Variants in DGKB observed in about 807,000 individuals in gnomAD.
DGKB encodes the protein 90 kDa diacylglycerol kinase.
DGKB carries 67 observed loss-of-function variants against 114.3 expected under a neutral mutation model. The ratio of observed to expected loss-of-function variants is 0.59; its 90% confidence interval spans 0.48 to 0.72. DGKB has a LOEUF of 0.72. Ranked by LOEUF, DGKB falls within the 30% of genes least tolerant of loss-of-function variation. The pLI, the probability that DGKB is intolerant of heterozygous loss-of-function variation, is 0.00. For missense variants in DGKB, 907 were observed against 975.2 expected, an observed-to-expected ratio of 0.93 and a Z score of 0.93; for synonymous variants, 398 against 323.1, an observed-to-expected ratio of 1.23 and a Z score of -2.49.
intron 1 of DGKB, among the ~76,000 whole-genome samples, chr7:14,854,131 T>C (rs1450420131): frequency 1.3e-5 from 2 of 152,140 alleles, no homozygotes; most frequent in Non-Finnish European, 2.9e-5. Context: ...ATATTACCCA[T>C]AGGATTATAT....
At chr7:14,570,319 T>C (rs1294328708) in intron 20 of DGKB, among the ~76,000 whole-genome samples, 1 of 152,038 alleles carries the variant, frequency 6.6e-6, no homozygotes, top group African/African-American at 2.4e-5. Flanking sequence ...ATTTCTATTA[T>C]AGCTTTCCTT....
chr7:14,750,800 T>C (rs1419824010), intron 4 of DGKB, among the ~76,000 whole-genome samples: 1 of 129,900 alleles, frequency 7.7e-6, no homozygotes, highest in Non-Finnish European at 1.6e-5. Flanking sequence ...TTTCTTTTTT[T>C]TTTTTTTTTT....
intron 20 of DGKB, among the ~76,000 whole-genome samples, chr7:14,554,241 AT>A (rs1795549876): frequency 6.6e-6 from 1 of 152,124 alleles, no homozygotes; most frequent in South Asian, 2.1e-4. Flanking sequence ...GTTCCCTAAC[AT>A]TTCTTGAGCA....
chr7:14,793,383 G>T (rs564886064), intron 2 of DGKB, among the ~76,000 whole-genome samples: 1 of 151,846 alleles, frequency 6.6e-6, no homozygotes, highest in Non-Finnish European at 1.5e-5. Context: ...TTTCCCCTAC[G>T]CATCTCAGTT....
chr7:14,934,558 G>A (rs976465510), intron 1 of DGKB, among the ~76,000 whole-genome samples: 1 of 152,042 alleles, frequency 6.6e-6, no homozygotes, highest in African/African-American at 2.4e-5. Context: ...CTAGAGAAGA[G>A]ACAAGCAACA....
intron 24 of DGKB, 91 bp from the exon 25 acceptor site, chr7:14,176,990 G>C: frequency 6.9e-7 from 1 of 1,454,262 alleles, no homozygotes. Context: ...ACCAGGGAAG[G>C]CAATATGGTA....
intron 23 of DGKB, among the ~76,000 whole-genome samples, chr7:14,279,514 C>T (rs1477227125): frequency 1.3e-5 from 2 of 152,200 alleles, no homozygotes; most frequent in Admixed American, 6.5e-5. Flanking sequence ...GGTGGTTCTC[C>T]CAGTACGCAG....
At chr7:14,911,403 T>C (rs184820108) in intron 1 of DGKB, among the ~76,000 whole-genome samples, 73 of 152,162 alleles carry the variant, frequency 4.8e-4, no homozygotes, top group Non-Finnish European at 9.1e-4. Context: ...GATAATTAAT[T>C]ATACAGTATA....
intron 23 of DGKB, among the ~76,000 whole-genome samples, chr7:14,260,121 C>A (rs1223204785): frequency 6.7e-6 from 1 of 149,884 alleles, no homozygotes; most frequent in African/African-American, 2.5e-5. Flanking sequence ...CACACACACA[C>A]ACACACACAC....
intron 23 of DGKB, among the ~76,000 whole-genome samples, chr7:14,205,189 C>G (rs1786572191): frequency 6.6e-6 from 1 of 151,952 alleles, no homozygotes; most frequent in Admixed American, 6.6e-5. Flanking sequence ...GATGCCATGT[C>G]CATGTGGGGC....
At chr7:14,336,352 A>G (rs13240040) in intron 23 of DGKB, among the ~76,000 whole-genome samples, 41,980 of 152,044 alleles carry the variant, frequency 0.28, 6,071 homozygotes, top group South Asian at 0.38. Flanking sequence ...TTCTGAGATT[A>G]TATTTATCCT....
chr7:14,360,465 T>C (rs891788500), intron 21 of DGKB, among the ~76,000 whole-genome samples: 1 of 151,276 alleles, frequency 6.6e-6, no homozygotes, highest in South Asian at 2.1e-4. Context: ...TATATATATA[T>C]AAAGAATATA....
intron 4 of DGKB, among the ~76,000 whole-genome samples, chr7:14,747,346 C>A (rs1240617321): frequency 6.8e-6 from 1 of 146,470 alleles, no homozygotes; most frequent in Non-Finnish European, 1.5e-5. Context: ...GATTGTGCCA[C>A]CATGCCTGGC....
At chr7:14,723,235 T>C (rs1237000440) in intron 5 of DGKB, among the ~76,000 whole-genome samples, 1 of 152,124 alleles carries the variant, frequency 6.6e-6, no homozygotes, top group Non-Finnish European at 1.5e-5. Context: ...GGTAAAATGA[T>C]AACATGAAAT....
chr7:14,944,606 C>G (rs1457853098), intron 1 of DGKB, among the ~76,000 whole-genome samples: 1 of 151,718 alleles, frequency 6.6e-6, no homozygotes, highest in Admixed American at 6.6e-5. Flanking sequence ...CCCAGTGACT[C>G]CTAATGGATG....
intron 20 of DGKB, among the ~76,000 whole-genome samples, chr7:14,569,366 T>C (rs931317568): frequency 3.9e-5 from 6 of 152,206 alleles, no homozygotes; most frequent in Non-Finnish European, 8.8e-5. Context: ...TGCCTTAAAA[T>C]CATAAACATT....
intron 10 of DGKB, among the ~76,000 whole-genome samples, chr7:14,683,811 T>C (rs1009394526): frequency 2.0e-5 from 3 of 152,186 alleles, no homozygotes; most frequent in African/African-American, 4.8e-5. Context: ...TTTGGCAACA[T>C]TGAGGGAGAA....
chr7:14,724,290 A>G (rs1379682094), intron 5 of DGKB, among the ~76,000 whole-genome samples: 4 of 152,208 alleles, frequency 2.6e-5, no homozygotes, highest in Non-Finnish European at 4.4e-5. Flanking sequence ...GTATTGTCAT[A>G]TATTTCATGA....
intron 25 of DGKB, among the ~76,000 whole-genome samples, chr7:14,158,196 G>C (rs1401609154): frequency 6.6e-6 from 1 of 152,112 alleles, no homozygotes; most frequent in African/African-American, 2.4e-5. Flanking sequence ...ATTATTTTTA[G>C]TGTTACTATA....
Sources: allele counts gnomAD v4.1 joint callset (sites outside exome capture counted in the v4.1 genomes callset), GRCh38; gene constraint gnomAD v4.1.1; transcripts MANE v1.5; gene names NCBI Gene and HGNC (gene_info 2026-07-23, HGNC 2026-07-21).